The following MUC17 variants were observed in gnomAD, a reference collection of about 807,000 sequenced individuals.
MUC17 encodes the protein mucin 17, cell surface associated.
A neutral mutation model predicts 170.3 loss-of-function variants in MUC17; 190 were observed. The ratio of observed to expected loss-of-function variants is 1.12; its 90% CI spans 0.99 to 1.26. The LOEUF (loss-of-function observed/expected upper bound fraction) is 1.26, where lower values mean the gene tolerates loss of function less well. MUC17 is among the 50% of genes most tolerant of loss of function. MUC17 has a pLI of 0.00. For synonymous variants in MUC17, 2,325 were observed against 2,002.5 expected, an observed-to-expected ratio of 1.16 and a Z score of -4.30; for missense variants, 6,415 against 5,530.0, an observed-to-expected ratio of 1.16 and a Z score of -5.08.
chr7:101,022,163 A>ATTTT (rs1247384498), intron 1 of MUC17, among the ~76,000 whole-genome samples: 3 of 112,980 alleles, frequency 2.7e-5, no homozygotes, highest in African/African-American at 7.0e-5. Flanking sequence ...CTCCCGAGAG[A>ATTTT]TTTTTTTTTT....
intron 1 of MUC17, among the ~76,000 whole-genome samples, chr7:101,028,429 G>A (rs865987578): frequency 2.6e-5 from 4 of 151,782 alleles, no homozygotes; most frequent in Middle Eastern, 3.4e-3. Flanking sequence ...AGTTTCTATT[G>A]CCATCCCTTC....
chr7:101,043,618 C>T lies in MUC17; in HGVS notation c.12202C>T (p.Pro4068Ser), dbSNP rs1485402869. The part of the protein sequence containing the change: ...TSHTIPPTFP[P>S]AHSSTPPTTS... ...TCACACCATCCCACCTACATTTCCT[C>T]CTGCTCACTCCAGTACACCTCCAAC... is the stretch of plus-strand genomic sequence containing the variant. The change falls in exon 3 of 13, where the codon CCT (proline) becomes TCT (serine). Residue 4068 changes from proline (P) to serine (S), a missense_variant. By Grantham distance (74) the Pro-to-Ser change is moderately conservative. Transcript: ENST00000306151. 6.2e-7 allele frequency: 1 copy of T among 1,614,208 alleles called. No individual in the cohort carries two copies. Among genetic ancestry groups the T allele is most frequent in the East Asian group, 2.2e-5 (1 of 44,886 alleles).
Position 101,042,325 on chromosome 7 carries a change from T to C in MUC17, c.10909T>C (p.Leu3637=), listed in dbSNP as rs752554201. The C allele has an allele frequency of 1.5e-5, 24 of 1,613,936 alleles. No homozygotes were observed. The highest frequency in any genetic ancestry group is 1.9e-5 in the Non-Finnish European group (23 of 1,180,014). The part of the protein sequence containing the change: ...MSTPSEVSTP[L]TIMPVSTTSV... ...AACTCCTAGTGAAGTAAGCACTCCA[T>C]TAACCATTATGCCTGTCAGCACCAC... Residue 3637 remains leucine, a synonymous_variant, in exon 3 of 13, where the codon TTA becomes CTA. Coordinates refer to ENST00000306151, the MANE Select transcript of MUC17 (RefSeq NM_001040105.2).
chr7:101,023,681 C>T (rs559131524), intron 1 of MUC17, among the ~76,000 whole-genome samples: 1 of 152,194 alleles, frequency 6.6e-6, no homozygotes, highest in Non-Finnish European at 1.5e-5. Flanking sequence ...GTGGGGATTA[C>T]AGGCATGAGC....
chr7:101,029,321 A>C (rs1794236139), intron 1 of MUC17, among the ~76,000 whole-genome samples: 1 of 151,986 alleles, frequency 6.6e-6, no homozygotes, highest in Admixed American at 6.6e-5. Flanking sequence ...GCGCCACTGC[A>C]CTCCAGCCTG....
intron 4 of MUC17, 130 bp from the exon 5 acceptor site, chr7:101,048,715 T>G: frequency 1.1e-6 from 1 of 912,794 alleles, no homozygotes; most frequent in Non-Finnish European, 1.7e-6. Flanking sequence ...AAGGTGTATT[T>G]TGGATACAAA....
chr7:101,025,802 A>C (rs868310134), intron 1 of MUC17, among the ~76,000 whole-genome samples: 36 of 151,618 alleles, frequency 2.4e-4, no homozygotes, highest in Middle Eastern at 6.8e-3. Flanking sequence ...CTCAAAAAAA[A>C]AAAAAAAAAG....
intron 1 of MUC17, among the ~76,000 whole-genome samples, chr7:101,022,850 G>A (rs1043811884): frequency 5.3e-5 from 8 of 151,884 alleles, no homozygotes; most frequent in Admixed American, 4.6e-4. Context: ...CCTCCTCCAG[G>A]GAGCCTTCCA....
At chr7:101,044,909 G>A (rs944291072) in intron 3 of MUC17, among the ~76,000 whole-genome samples, 10 of 152,074 alleles carry the variant, frequency 6.6e-5, no homozygotes, top group African/African-American at 2.4e-4. Context: ...CACTATAGAA[G>A]CAAAAGAAGA....
chr7:101,041,730 A>C lies in MUC17; in HGVS notation c.10314A>C (p.Ser3438=), dbSNP rs759561728. 3.1e-6 allele frequency: 5 copies of C among 1,613,732 alleles called. No individual in the cohort carries two copies. Among genetic ancestry groups the C allele is most frequent in the Non-Finnish European group, 4.2e-6 (5 of 1,179,974 alleles). ...TGACCACTTCTACTGAAGCCAGTTC[A>C]TCTCCTACAATCGCTGAAGGTACCA... ...TLVTTSTEAS[S]SPTIAEGTSL... Residue 3438 remains serine, a synonymous_variant, in exon 3 of 13, where the codon TCA becomes TCC. Coordinates refer to ENST00000306151, the MANE Select transcript of MUC17 (RefSeq NM_001040105.2).
Position 101,038,788 on chromosome 7 carries a change from T to A in MUC17, c.7372T>A (p.Leu2458Ile). Residue 2458 changes from leucine (L) to isoleucine (I), a missense_variant, in exon 3 of 13, where the codon TTA becomes ATA. Physicochemically the swap from Leu to Ile is conservative, Grantham distance 5. Transcript: ENST00000306151. ...TSPPSEGTTP[L>I]ASMPVSTTPV... ...ACCTCCTAGTGAAGGAACCACTCCG[T>A]TAGCAAGTATGCCTGTCAGCACCAC... is the stretch of plus-strand genomic sequence containing the variant. The A allele has an allele frequency of 6.2e-7, 1 of 1,600,830 alleles. No individual in the cohort carries two copies. The highest frequency in any genetic ancestry group is 1.1e-5 in the South Asian group (1 of 90,624).
At position 101,042,029 on chromosome 7, in the gene MUC17, C is replaced by T. The variant is rs1236325660; in HGVS notation, c.10613C>T (p.Ser3538Leu). 6.2e-7 allele frequency: 1 copy of T among 1,613,956 alleles called. No individual in the cohort carries two copies. Among genetic ancestry groups the T allele is most frequent in the Non-Finnish European group, 8.5e-7 (1 of 1,179,940 alleles). The change falls in exon 3 of 13, where the codon TCA (serine) becomes TTA (leucine). Residue 3538 changes from serine (S) to leucine (L), a missense_variant. Physicochemically the swap from Ser to Leu is moderately radical, Grantham distance 145. Coordinates refer to ENST00000306151, the MANE Select transcript of MUC17 (RefSeq NM_001040105.2). The part of the protein sequence containing the change: ...PVASSEASTL[S>L]TTPVDSNTFV... ...GCCAGTTCTGAGGCTAGCACCCTTTCAACAACTCCTGTTGACTCCAACACT... is the reference window on the plus strand; with the variant it reads ...GCCAGTTCTGAGGCTAGCACCCTTTTAACAACTCCTGTTGACTCCAACACT...
Position 101,043,390 on chromosome 7 carries a change from A to G in MUC17, c.11974A>G (p.Thr3992Ala). ...ATCTTTTTCAACTACTAAGGAATTT[A>G]CAACACCCGCAATGACTACTGCAGC... The part of the protein sequence containing the change: ...TTSFSTTKEF[T>A]TPAMTTAAPL... The change falls in exon 3 of 13, where the codon ACA (threonine) becomes GCA (alanine). Residue 3992 changes from threonine to alanine, a missense_variant. Thr to Ala is a moderately conservative substitution (Grantham distance 58). Coordinates refer to ENST00000306151, the MANE Select transcript of MUC17 (RefSeq NM_001040105.2). The G allele has an allele frequency of 6.2e-7, 1 of 1,614,158 alleles. No homozygotes were observed. The highest frequency in any genetic ancestry group is 8.5e-7 in the Non-Finnish European group (1 of 1,180,040).
In MUC17 at chr7:101,036,398, C is replaced by G; in HGVS notation, c.4982C>G (p.Pro1661Arg). ...ACAACTCCTGTTGACTCCAACAGTC[C>G]TGTGATCACTTCTACTGAAGTCAGT... is the stretch of plus-strand genomic sequence containing the variant. ...LSTTPVDSNSPVITSTEVSSS... is the reference protein window; with the variant it reads ...LSTTPVDSNSRVITSTEVSSS... The change falls in exon 3 of 13, where the codon CCT becomes CGT. Residue 1661 changes from proline (P) to arginine (R), a missense_variant. Coordinates refer to ENST00000306151, the MANE Select transcript of MUC17 (RefSeq NM_001040105.2). 1.2e-6 allele frequency: 2 copies of G among 1,612,484 alleles called. No homozygotes were observed. The highest frequency in any genetic ancestry group is 2.2e-5 in the South Asian group (2 of 90,908).
Position 101,033,045 on chromosome 7 carries a change from C to T in MUC17, c.1629C>T (p.Thr543=). 6.2e-7 allele frequency: 1 copy of T among 1,613,684 alleles called. No homozygotes were observed. Among genetic ancestry groups the T allele is most frequent in the Non-Finnish European group, 8.5e-7 (1 of 1,179,968 alleles). ...CTGTTGACACCAGCACACCTGTGAC[C>T]ACTTCTAGTGAAGCCAGTTCATCTT... is the stretch of plus-strand genomic sequence containing the variant. ...TTPVDTSTPV[T]TSSEASSSST... Residue 543 remains threonine (T), a synonymous_variant, in exon 3 of 13, where the codon ACC becomes ACT. Coordinates refer to ENST00000306151, the MANE Select transcript of MUC17 (RefSeq NM_001040105.2).
chr7:101,034,772 G>C lies in MUC17; in HGVS notation c.3356G>C (p.Ser1119Thr). 1 of 1,603,204 alleles carries C rather than the reference G, an allele frequency of 6.2e-7. No homozygotes were observed. The highest frequency in any genetic ancestry group is 8.5e-7 in the Non-Finnish European group (1 of 1,174,072). Residue 1119 changes from serine to threonine, a missense_variant, in exon 3 of 13, where the codon AGC becomes ACC. Coordinates refer to ENST00000306151, the MANE Select transcript of MUC17 (RefSeq NM_001040105.2). ...AGGCTGGTGGTCAGTTCTGAGGCTA[G>C]CACCCTTTCCACAACTCCTGTCGAC... ...STRLVVSSEA[S>T]TLSTTPVDTS...
intron 1 of MUC17, among the ~76,000 whole-genome samples, chr7:101,020,459 G>C (rs13231099): frequency 6.6e-6 from 1 of 151,900 alleles, no homozygotes; most frequent in African/African-American, 2.4e-5. Flanking sequence ...TTCCCCTTCC[G>C]AGCCTCAGTC....
At chr7:101,031,337 A>G (rs949864054) in intron 2 of MUC17, 116 bp downstream of exon 2, 21 of 1,451,408 alleles carry the variant, frequency 1.4e-5, no homozygotes, top group Non-Finnish European at 1.9e-5. Context: ...ACGGCTTGAG[A>G]TCTGGGGCCA....
At chr7:101,047,856 T>C in intron 3 of MUC17, 128 bp from the exon 4 acceptor site, 1 of 1,145,386 alleles carries the variant, frequency 8.7e-7, no homozygotes, top group Non-Finnish European at 1.2e-6. Flanking sequence ...TTAGACAGTG[T>C]CCGTGCAAAC....
Sources: allele counts gnomAD v4.1 joint callset (sites outside exome capture counted in the v4.1 genomes callset), GRCh38; gene constraint gnomAD v4.1.1; transcripts MANE v1.5; gene names NCBI Gene and HGNC (gene_info 2026-07-23, HGNC 2026-07-21).